Variants in MARCHF1 observed in about 807,000 individuals in gnomAD.
MARCHF1 encodes the protein E3 ubiquitin-protein ligase MARCHF1.
In MARCHF1, 40 loss-of-function variants were observed where a neutral mutation model predicts 54.2. The ratio of observed to expected loss-of-function variants is 0.74; its 90% CI spans 0.57 to 0.96. The LOEUF is 0.96. Ranked by LOEUF, MARCHF1 falls within the 40% of genes least tolerant of loss-of-function variation. The pLI, the probability that MARCHF1 is intolerant of heterozygous loss-of-function variation, is 0.00. For missense variants in MARCHF1, 586 were observed against 656.5 expected (o/e 0.89, Z 1.17); for synonymous variants, 236 against 236.3 (o/e 1.00, Z 0.01).
At chr4:164,211,234 AGTT>A (rs1421497418) in intron 1 of MARCHF1, among the ~76,000 whole-genome samples, 1 of 151,568 alleles carries the variant, frequency 6.6e-6, no homozygotes, top group African/African-American at 2.4e-5. Flanking sequence ...AATAATAAGT[AGTT>A]GAGGTGGTAG....
chr4:163,913,842 G>A (rs1751248447), intron 3 of MARCHF1, among the ~76,000 whole-genome samples: 1 of 152,020 alleles, frequency 6.6e-6, no homozygotes, highest in African/African-American at 2.4e-5. Context: ...GCATATCTTG[G>A]GCATTAATAA....
intron 3 of MARCHF1, among the ~76,000 whole-genome samples, chr4:163,958,586 A>C (rs1044528599): frequency 6.6e-6 from 1 of 152,130 alleles, no homozygotes; most frequent in Non-Finnish European, 1.5e-5. Context: ...ACAACATATA[A>C]CATTTAAAAT....
intron 1 of MARCHF1, among the ~76,000 whole-genome samples, chr4:164,346,374 G>C (rs1322729582): frequency 6.6e-6 from 1 of 152,002 alleles, no homozygotes; most frequent in African/African-American, 2.4e-5. Flanking sequence ...CGTATGCTTT[G>C]AGAAACTGTG....
intron 7 of MARCHF1, among the ~76,000 whole-genome samples, chr4:163,599,297 T>TTATATATATATATATATGTATA (rs150458467): frequency 8.2e-5 from 12 of 146,702 alleles, no homozygotes; most frequent in African/African-American, 2.8e-4. Context: ...CTCAAAAAAA[T>TTATATATATATATATATGTATA]TATATATATA....
At chr4:163,808,067 G>A (rs1748274917) in intron 4 of MARCHF1, among the ~76,000 whole-genome samples, 1 of 152,006 alleles carries the variant, frequency 6.6e-6, no homozygotes, top group Admixed American at 6.6e-5. Context: ...CCTTTCTGTT[G>A]TGCTATTTTG....
chr4:163,686,051 A>C (rs1744260080), intron 5 of MARCHF1, among the ~76,000 whole-genome samples: 1 of 152,208 alleles, frequency 6.6e-6, no homozygotes, highest in African/African-American at 2.4e-5. Flanking sequence ...TGTCAGGTTT[A>C]GTAATAACAT....
At chr4:164,111,092 A>T in intron 2 of MARCHF1, among the ~76,000 whole-genome samples, 1 of 151,860 alleles carries the variant, frequency 6.6e-6, no homozygotes, top group Non-Finnish European at 1.5e-5. Flanking sequence ...TATCAAACTC[A>T]TATAGTGCAT....
rs187619772 is a variant in MARCHF1, at chr4:163,978,312, T to C, written c.-39+10189A>G. On this transcript the variant is annotated intron_variant, in intron 3 of 9. Coordinates refer to ENST00000514618, the MANE Select transcript of MARCHF1 (RefSeq NM_001394959.1). ...AATATTTTCTCATCACAATAGAAGGTATTAATTAATGAGCCATATTCACTG... is the reference window on the plus strand; with the variant it reads ...AATATTTTCTCATCACAATAGAAGGCATTAATTAATGAGCCATATTCACTG... Among the ~76,000 whole-genome samples the C allele has an allele frequency of 5.3e-5, 8 of 152,322 alleles. No individual in the cohort carries two copies. The East Asian group carries it at 1.3e-3, about 26-fold the overall frequency.
intron 4 of MARCHF1, among the ~76,000 whole-genome samples, chr4:163,760,436 T>C (rs898356275): frequency 6.6e-6 from 1 of 152,212 alleles, no homozygotes; most frequent in African/African-American, 2.4e-5. Flanking sequence ...GGGCCATTAT[T>C]CTGTCTTCCA....
intron 1 of MARCHF1, among the ~76,000 whole-genome samples, chr4:164,356,312 A>C (rs1439268964): frequency 2.3e-5 from 3 of 133,224 alleles, no homozygotes; most frequent in Admixed American, 7.4e-5. Context: ...AAGACACATG[A>C]ACAGGTATGT....
At position 163,894,673 on chromosome 4, in the gene MARCHF1, TATATATGCATGTGATGC is replaced by T. The variant is rs1750746839; in HGVS notation, c.-38-40521_-38-40505del. On this transcript the variant is annotated intron_variant, in intron 3 of 9. Coordinates refer to ENST00000514618, the MANE Select transcript of MARCHF1 (RefSeq NM_001394959.1). Reference sequence around the variant, plus strand: ...GATGCATATATATGCATGTGATGCATATATATGCATGTGATGCATATATATATGCATGTGATGCATAT... The same window carrying T: ...GATGCATATATATGCATGTGATGCATATATATATATGCATGTGATGCATAT... Among the ~76,000 whole-genome samples, 6 of 72,134 alleles carry T rather than the reference TATATATGCATGTGATGC, an allele frequency of 8.3e-5. 3 individuals are homozygous for T. Among genetic ancestry groups the T allele is most frequent in the African/African-American group, 1.0e-4 (2 of 19,998 alleles). The allele number at this position is 72,134 out of a possible 152,430, so 47.3% of individuals were successfully genotyped here.
rs573346640 is a variant in MARCHF1, at chr4:163,818,053, T to C, written c.111+35968A>G. On this transcript the variant is annotated intron_variant, in intron 4 of 9. Transcript: ENST00000514618. The stretch of plus-strand genomic sequence containing the variant: ...GTGCAGCACACCAGCATGGCACATG[T>C]ATACATATGTAACTAACCTGCACAT... Among the ~76,000 whole-genome samples, 401 of 151,302 alleles carry C rather than the reference T, an allele frequency of 2.7e-3. 1 individual carries two copies. Among genetic ancestry groups the C allele is most frequent in the African/African-American group, 8.8e-3 (363 of 41,242 alleles).
At chr4:163,719,098 G>A (rs538552466) in intron 4 of MARCHF1, among the ~76,000 whole-genome samples, 2 of 152,032 alleles carry the variant, frequency 1.3e-5, no homozygotes, top group Admixed American at 6.6e-5. Context: ...TGTTACATAC[G>A]TATACATGGG....
chr4:164,317,371 T>G (rs988466529), intron 1 of MARCHF1, among the ~76,000 whole-genome samples: 2 of 152,098 alleles, frequency 1.3e-5, no homozygotes, highest in Non-Finnish European at 2.9e-5. Flanking sequence ...GCTGGTAGAG[T>G]AGCACCTCAA....
chr4:164,345,724 T>C (rs1469252304), intron 1 of MARCHF1, among the ~76,000 whole-genome samples: 1 of 151,996 alleles, frequency 6.6e-6, no homozygotes, highest in African/African-American at 2.4e-5. Context: ...ATGTTAAATA[T>C]TGTTATTGGA....
At chr4:164,195,778 C>T (rs1731239090) in intron 1 of MARCHF1, among the ~76,000 whole-genome samples, 1 of 152,140 alleles carries the variant, frequency 6.6e-6, no homozygotes, top group African/African-American at 2.4e-5. Context: ...AGAGTTTACT[C>T]TTACTGGGTT....
chr4:163,806,356 A>G (rs1163851671), intron 4 of MARCHF1, among the ~76,000 whole-genome samples: 1 of 152,190 alleles, frequency 6.6e-6, no homozygotes, highest in East Asian at 1.9e-4. Context: ...CAAACTGAAC[A>G]CTGAAGGAAA....
At chr4:164,067,240 AT>A (rs1484286926) in intron 2 of MARCHF1, among the ~76,000 whole-genome samples, 1 of 152,058 alleles carries the variant, frequency 6.6e-6, no homozygotes, top group African/African-American at 2.4e-5. Flanking sequence ...GAAAAAAAGT[AT>A]TCTGAAATTG....
intron 5 of MARCHF1, among the ~76,000 whole-genome samples, chr4:163,680,971 T>G (rs1390097846): frequency 4.0e-5 from 6 of 150,480 alleles, no homozygotes; most frequent in Non-Finnish European, 1.5e-5. Flanking sequence ...TATTATTGAG[T>G]ACCTAATAAT....
Sources: gnomAD v4.1 joint callset for allele counts (sites outside exome capture counted in the v4.1 genomes callset) on GRCh38, gnomAD v4.1.1 for gene constraint, MANE v1.5 for transcripts, NCBI Gene and HGNC (gene_info 2026-07-23, HGNC 2026-07-21) for gene names.